ZNF438: variants seen among roughly 807,000 people sequenced by gnomAD.
ZNF438 encodes zinc finger protein 438.
A neutral mutation model predicts 38.0 loss-of-function variants in ZNF438; 25 were observed. The observed-to-expected ratio is 0.66, with a 90% CI of 0.48 to 0.92. The LOEUF is 0.92. ZNF438 is among the 40% of genes least tolerant of loss of function. ZNF438 has a pLI of 0.00. For missense variants in ZNF438, 1,007 were observed against 999.6 expected, an observed-to-expected ratio of 1.01 and a Z score of -0.10; for synonymous variants, 372 against 364.1, an observed-to-expected ratio of 1.02 and a Z score of -0.25.
At chr10:30,871,993 A>G (rs924022404) in intron 4 of ZNF438, among the ~76,000 whole-genome samples, 1 of 152,206 alleles carries the variant, frequency 6.6e-6, no homozygotes, top group Non-Finnish European at 1.5e-5. Context: ...AAATGTTATG[A>G]CAGAGTTGAG....
Position 31,026,311 on chromosome 10 carries a change from G to A in ZNF438, c.-192+5522C>T, listed in dbSNP as rs533615079. 3.9e-5 allele frequency among the ~76,000 whole-genome samples: 6 copies of A among 152,268 alleles called. No homozygotes were observed. The East Asian group carries it at 1.2e-3, about 29-fold the overall frequency. Reference sequence around the variant, plus strand: ...ATAAAGAGTGAACAGGCAACCTACAGAATGGGAGAAAATTTTTGCAATCTA... The same window carrying A: ...ATAAAGAGTGAACAGGCAACCTACAAAATGGGAGAAAATTTTTGCAATCTA... On this transcript the variant is annotated intron_variant, in intron 1 of 5. Coordinates refer to ENST00000413025, the Ensembl canonical transcript of ZNF438.
chr10:30,861,013 A>C (rs1314544838), intron 4 of ZNF438, among the ~76,000 whole-genome samples: 1 of 152,202 alleles, frequency 6.6e-6, no homozygotes. Flanking sequence ...ACAGAAAGAA[A>C]AGTTAGGCAC....
intron 1 of ZNF438, among the ~76,000 whole-genome samples, chr10:30,966,972 C>T (rs1403963831): frequency 1.3e-5 from 2 of 152,154 alleles, no homozygotes; most frequent in Non-Finnish European, 2.9e-5. Flanking sequence ...TGTTTCGTTT[C>T]AGTCCCCAAG....
chr10:30,983,672 G>A lies in ZNF438; in HGVS notation c.-191-42021C>T, dbSNP rs547511646. Reference sequence around the variant, plus strand: ...TATAAACTGAAAAATGAAACCTATAGCCATGTATTTCCTTGAATCGTTTTT... The same window carrying A: ...TATAAACTGAAAAATGAAACCTATAACCATGTATTTCCTTGAATCGTTTTT... On this transcript the variant is annotated intron_variant, in intron 1 of 5. Coordinates refer to ENST00000413025, the Ensembl canonical transcript of ZNF438. Among the ~76,000 whole-genome samples the A allele has an allele frequency of 2.5e-3, 376 of 152,098 alleles. 1 individual carries two copies. Among genetic ancestry groups the A allele is most frequent in the African/African-American group, 8.5e-3 (353 of 41,482 alleles).
chr10:30,927,712 C>A (rs1188036057), intron 2 of ZNF438, among the ~76,000 whole-genome samples: 2 of 152,224 alleles, frequency 1.3e-5, no homozygotes, highest in African/African-American at 4.8e-5. Flanking sequence ...GATCACTGAA[C>A]TGATGGCCAG....
intron 4 of ZNF438, among the ~76,000 whole-genome samples, chr10:30,856,825 T>A (rs1450864076): frequency 2.6e-5 from 4 of 152,210 alleles, no homozygotes; most frequent in Non-Finnish European, 5.9e-5. Context: ...ATCTTAAATA[T>A]GGGCTGTTTT....
At chr10:30,945,509 A>C (rs3124224) in intron 1 of ZNF438, among the ~76,000 whole-genome samples, 1 of 151,400 alleles carries the variant, frequency 6.6e-6, no homozygotes, top group Admixed American at 6.6e-5. Flanking sequence ...CCACTAACTC[A>C]TCATCTAGCA....
chr10:30,876,869 ATATAAT>A (rs2038508206), intron 4 of ZNF438, 123 bp downstream of exon 5: 1 of 599,742 alleles, frequency 1.7e-6, no homozygotes, highest in South Asian at 5.2e-5. Flanking sequence ...GAGTTTTCAT[ATATAAT>A]TATAATTTTT....
At chr10:31,010,392 C>A (rs1038925593) in intron 1 of ZNF438, among the ~76,000 whole-genome samples, 1 of 152,128 alleles carries the variant, frequency 6.6e-6, no homozygotes, top group African/African-American at 2.4e-5. Context: ...CCTTTTCCAT[C>A]AAAGTAGTCC....
Position 30,951,414 on chromosome 10 carries a change from G to A in ZNF438, c.-191-9763C>T, listed in dbSNP as rs575308280. On this transcript the variant is annotated intron_variant, in intron 1 of 5. Transcript: ENST00000413025. ...TTCTGGCCAGGGCAATTAGGCAGGA[G>A]AAGGAAATAAAGGGTATTCAATTAG... Among the ~76,000 whole-genome samples the A allele has an allele frequency of 2.2e-3, 335 of 151,392 alleles. 1 individual carries two copies. Among genetic ancestry groups the A allele is most frequent in the Non-Finnish European group, 3.5e-3 (235 of 67,814 alleles).
At chr10:30,921,599 C>G (rs2134963105) in intron 2 of ZNF438, among the ~76,000 whole-genome samples, 1 of 152,250 alleles carries the variant, frequency 6.6e-6, no homozygotes, top group East Asian at 1.9e-4. Context: ...TGTTTAGATT[C>G]AAGTTGTCAC....
chr10:30,973,165 T>C (rs1263983258), intron 1 of ZNF438, among the ~76,000 whole-genome samples: 2 of 152,218 alleles, frequency 1.3e-5, no homozygotes, highest in Non-Finnish European at 2.9e-5. Context: ...ATAGGCACCT[T>C]GAGGCTGCCT....
rs1430848225 is a variant in ZNF438, at chr10:30,857,833, T to C, written c.38-7466A>G. On this transcript the variant is annotated intron_variant, in intron 4 of 5. Transcript: ENST00000413025. Reference sequence around the variant, plus strand: ...AGTGGAGGAAAGAATGAGGGCTCAATAGCACTAGGTGCCAATGTCTTACCC... The same window carrying C: ...AGTGGAGGAAAGAATGAGGGCTCAACAGCACTAGGTGCCAATGTCTTACCC... 3.4e-6 allele frequency: 4 copies of C among 1,180,246 alleles called. No homozygotes were observed. The African/African-American group carries it at 6.2e-5, about 18-fold the overall frequency. 73.1% of individuals were successfully genotyped at this position (1,180,246 alleles called of 1,614,324 possible). A position where few individuals can be genotyped will look rare whatever the true frequency, so the allele number is the denominator to read the frequency against.
intron 1 of ZNF438, among the ~76,000 whole-genome samples, chr10:30,972,938 G>A (rs2050904333): frequency 6.6e-6 from 1 of 152,124 alleles, no homozygotes; most frequent in African/African-American, 2.4e-5. Flanking sequence ...TTTGTAGCTA[G>A]TAGAGGGCAA....
intron 4 of ZNF438, among the ~76,000 whole-genome samples, chr10:30,874,103 G>GT (rs1564540418): frequency 3.6e-4 from 6 of 16,812 alleles, no homozygotes; most frequent in African/African-American, 2.1e-3. Flanking sequence ...GGTGTGTGGG[G>GT]GTGTGTGTGT....
chr10:31,029,891 G>A (rs1230177156), intron 1 of ZNF438, among the ~76,000 whole-genome samples: 1 of 152,170 alleles, frequency 6.6e-6, no homozygotes, highest in Non-Finnish European at 1.5e-5. Context: ...TGCTGTTCCT[G>A]CTGTGAGGCC....
intron 3 of ZNF438, among the ~76,000 whole-genome samples, chr10:30,878,453 C>T (rs1012115803): frequency 6.6e-6 from 1 of 152,122 alleles, no homozygotes; most frequent in South Asian, 2.1e-4. Flanking sequence ...CTCCTCTCTC[C>T]ACTGAGAGAC....
chr10:30,899,405 TC>T (rs1367655974), intron 3 of ZNF438, among the ~76,000 whole-genome samples: 1 of 152,168 alleles, frequency 6.6e-6, no homozygotes, highest in Non-Finnish European at 1.5e-5. Flanking sequence ...GCACATGCTC[TC>T]CAAGTACAAC....
At chr10:30,971,553 T>A (rs1436704243) in intron 1 of ZNF438, among the ~76,000 whole-genome samples, 1 of 152,232 alleles carries the variant, frequency 6.6e-6, no homozygotes, top group Non-Finnish European at 1.5e-5. Flanking sequence ...AAAGTATTCA[T>A]GAATTTCCTC....
Sources: gnomAD v4.1 joint callset for allele counts (sites outside exome capture counted in the v4.1 genomes callset) on GRCh38, gnomAD v4.1.1 for gene constraint, MANE v1.5 for transcripts, NCBI Gene and HGNC (gene_info 2026-07-23, HGNC 2026-07-21) for gene names.